Variants in PTPRD observed in about 807,000 individuals in gnomAD.
PTPRD encodes protein tyrosine phosphatase receptor type D.
Under a neutral mutation model 214.5 loss-of-function variants are expected in PTPRD, and 34 were observed. That is an observed-to-expected ratio of 0.16 (90% CI 0.12 to 0.21). The LOEUF (loss-of-function observed/expected upper bound fraction) is 0.21. PTPRD is among the 10% of genes least tolerant of loss of function. The pLI, the probability that PTPRD is intolerant of heterozygous loss-of-function variation, is 1.00. For missense variants in PTPRD, 2,545 were observed against 2,398.7 expected, an observed-to-expected ratio of 1.06 and a Z score of -1.27; for synonymous variants, 1,128 against 845.7, an observed-to-expected ratio of 1.33 and a Z score of -5.79.
chr9:8,443,567 C>T (rs1179745664), intron 34 of PTPRD, among the ~76,000 whole-genome samples: 5 of 152,168 alleles, frequency 3.3e-5, no homozygotes, highest in African/African-American at 1.2e-4. Flanking sequence ...TTAAGGTCAT[C>T]CACTGAATGA....
intron 7 of PTPRD, among the ~76,000 whole-genome samples, chr9:9,643,460 G>C (rs1413461318): frequency 6.6e-6 from 1 of 152,146 alleles, no homozygotes; most frequent in African/African-American, 2.4e-5. Flanking sequence ...TTATGGTGGA[G>C]ATGATTCTAG....
At chr9:8,964,282 T>G (rs1442296355) in intron 11 of PTPRD, among the ~76,000 whole-genome samples, 1 of 144,402 alleles carries the variant, frequency 6.9e-6, no homozygotes, top group Non-Finnish European at 1.5e-5. Context: ...TAATTCAATC[T>G]TGGGAGATTG....
In PTPRD at chr9:8,760,149, T is replaced by C. The variant is rs1401151590; in HGVS notation, c.-103-26203A>G. Among the ~76,000 whole-genome samples, 6 of 152,338 alleles carry C rather than the reference T, an allele frequency of 3.9e-5. No homozygotes were observed. In the South Asian group the frequency reaches 8.3e-4, roughly 21 times the overall value. On this transcript the variant is annotated intron_variant, in intron 11 of 45. Coordinates refer to ENST00000381196, the MANE Select transcript of PTPRD (RefSeq NM_002839.4). ...TTTTACCACATTGGCCAGGCTGTTC[T>C]CAAACTCCTGACCTCAGGTGATCCA... is the stretch of plus-strand genomic sequence containing the variant.
chr9:10,561,110 C>A (rs1167750518), intron 2 of PTPRD, among the ~76,000 whole-genome samples: 1 of 152,074 alleles, frequency 6.6e-6, no homozygotes, highest in Non-Finnish European at 1.5e-5. Context: ...TGACAACCAA[C>A]AGTAGCATTG....
At chr9:8,744,524 A>C (rs2092556081) in intron 11 of PTPRD, among the ~76,000 whole-genome samples, 1 of 152,262 alleles carries the variant, frequency 6.6e-6, no homozygotes, top group African/African-American at 2.4e-5. Context: ...GGAGACTATT[A>C]TTCTAAGTGA....
intron 8 of PTPRD, among the ~76,000 whole-genome samples, chr9:9,555,530 C>T (rs1363985052): frequency 6.6e-6 from 1 of 152,004 alleles, no homozygotes; most frequent in Non-Finnish European, 1.5e-5. Context: ...AATTACATGA[C>T]ACTTCATATA....
chr9:10,333,594 T>C (rs1182433589), intron 3 of PTPRD, among the ~76,000 whole-genome samples: 5 of 151,782 alleles, frequency 3.3e-5, no homozygotes, highest in African/African-American at 1.2e-4. Flanking sequence ...AGAAAGACAA[T>C]ATTTACTTCC....
At chr9:9,006,793 T>A (rs1288721809) in intron 11 of PTPRD, among the ~76,000 whole-genome samples, 1 of 152,070 alleles carries the variant, frequency 6.6e-6, no homozygotes, top group Non-Finnish European at 1.5e-5. Flanking sequence ...TTTTTCAATA[T>A]GTTTTTTCTT....
At chr9:9,190,120 G>A (rs1050638230) in intron 9 of PTPRD, among the ~76,000 whole-genome samples, 2 of 152,082 alleles carry the variant, frequency 1.3e-5, no homozygotes, top group African/African-American at 2.4e-5. Context: ...TTGTAACAGT[G>A]TTAGGAAAGT....
chr9:10,123,303 T>C (rs1035379811), intron 3 of PTPRD, among the ~76,000 whole-genome samples: 1 of 152,234 alleles, frequency 6.6e-6, no homozygotes, highest in Admixed American at 6.5e-5. Flanking sequence ...ATGTGACTAA[T>C]AAGTGGTGTG....
At chr9:9,239,060 T>C (rs1392169725) in intron 9 of PTPRD, among the ~76,000 whole-genome samples, 1 of 152,126 alleles carries the variant, frequency 6.6e-6, no homozygotes, top group Non-Finnish European at 1.5e-5. Flanking sequence ...AACTCCTTCT[T>C]AGAAGAACTT....
intron 7 of PTPRD, among the ~76,000 whole-genome samples, chr9:9,610,390 T>G: frequency 6.6e-6 from 1 of 152,236 alleles, no homozygotes; most frequent in East Asian, 1.9e-4. Flanking sequence ...AGACTACATT[T>G]GCACTAGCAA....
chr9:8,966,385 C>G (rs2099194870), intron 11 of PTPRD, among the ~76,000 whole-genome samples: 1 of 151,598 alleles, frequency 6.6e-6, no homozygotes. Context: ...CAGCATGGTA[C>G]TGGCACAAAA....
chr9:9,232,911 T>A (rs533105945), intron 9 of PTPRD, among the ~76,000 whole-genome samples: 6 of 152,178 alleles, frequency 3.9e-5, no homozygotes, highest in African/African-American at 1.4e-4. Flanking sequence ...TTTCCACAAA[T>A]CCAGCTATAA....
At chr9:8,524,371 T>C (rs1345757597) in intron 18 of PTPRD, among the ~76,000 whole-genome samples, 1 of 152,192 alleles carries the variant, frequency 6.6e-6, no homozygotes, top group Non-Finnish European at 1.5e-5. Flanking sequence ...CATGTATATA[T>C]AATACTATGT....
At position 9,990,546 on chromosome 9, in the gene PTPRD, G is replaced by A. The variant is rs533620747; in HGVS notation, c.-472+43172C>T. Among the ~76,000 whole-genome samples, 3 of 152,316 alleles carry A rather than the reference G, an allele frequency of 2.0e-5. No individual in the cohort carries two copies. The South Asian group carries it at 6.2e-4, about 32-fold the overall frequency. ...TGGCCAAGCAGAGCGGAAGTAAGCTGTGCACACTGCCCAGGTCCTAGGGAA... is the reference window on the plus strand; with the variant it reads ...TGGCCAAGCAGAGCGGAAGTAAGCTATGCACACTGCCCAGGTCCTAGGGAA... On this transcript the variant is annotated intron_variant, in intron 4 of 45. Coordinates refer to ENST00000381196, the MANE Select transcript of PTPRD (RefSeq NM_002839.4).
chr9:9,143,480 G>A (rs1402274813), intron 10 of PTPRD, among the ~76,000 whole-genome samples: 1 of 152,110 alleles, frequency 6.6e-6, no homozygotes, highest in Non-Finnish European at 1.5e-5. Context: ...GTAAAGATCA[G>A]GCATTGAAAG....
intron 3 of PTPRD, among the ~76,000 whole-genome samples, chr9:10,260,128 A>G (rs536912230): frequency 1.6e-4 from 25 of 152,324 alleles, no homozygotes; most frequent in African/African-American, 5.8e-4. Flanking sequence ...ATCTGAAATC[A>G]ACATTTAACC....
intron 7 of PTPRD, among the ~76,000 whole-genome samples, chr9:9,677,629 A>G (rs1389936635): frequency 6.6e-6 from 1 of 152,042 alleles, no homozygotes; most frequent in Non-Finnish European, 1.5e-5. Flanking sequence ...ATGGACAAAA[A>G]CTGGAAGCAT....
Sources: allele counts gnomAD v4.1 joint callset (sites outside exome capture counted in the v4.1 genomes callset), GRCh38; gene constraint gnomAD v4.1.1; transcripts MANE v1.5; gene names NCBI Gene and HGNC (gene_info 2026-07-23, HGNC 2026-07-21).